Variants in RBFOX1 observed in about 807,000 individuals in gnomAD.
RBFOX1 encodes the protein RNA binding fox-1 homolog 1, also known as RNA binding protein fox-1 homolog 1.
RBFOX1 carries 8 observed loss-of-function variants against 57.7 expected under a neutral mutation model. That is an observed-to-expected ratio of 0.14 (90% CI 0.08 to 0.25). The LOEUF (loss-of-function observed/expected upper bound fraction) is 0.25, where lower values mean the gene tolerates loss of function less well. Ranked by LOEUF, RBFOX1 falls within the 10% of genes least tolerant of loss-of-function variation. RBFOX1 has a pLI of 1.00. For missense variants in RBFOX1, 611 were observed against 548.5 expected, an observed-to-expected ratio of 1.11 and a Z score of -1.14; for synonymous variants, 326 against 222.4, an observed-to-expected ratio of 1.47 and a Z score of -4.15.
At chr16:7,131,331 G>C (rs932943075) in intron 4 of RBFOX1, among the ~76,000 whole-genome samples, 2 of 135,484 alleles carry the variant, frequency 1.5e-5, no homozygotes, top group Non-Finnish European at 3.1e-5. Context: ...GGGCATTGCA[G>C]CGAGACTGTC....
At chr16:5,397,548 C>A (rs10153120) in intron 1 of RBFOX1, among the ~76,000 whole-genome samples, 35 of 152,254 alleles carry the variant, frequency 2.3e-4, no homozygotes, top group African/African-American at 7.5e-4. Context: ...CTGCTAAAGA[C>A]ACTGATTAAA....
intron 4 of RBFOX1, among the ~76,000 whole-genome samples, chr16:5,928,139 G>C (rs1338072519): frequency 2.6e-5 from 4 of 151,924 alleles, no homozygotes; most frequent in African/African-American, 9.7e-5. Flanking sequence ...TGTCACCCAG[G>C]CTGGAGAACA....
intron 3 of RBFOX1, among the ~76,000 whole-genome samples, chr16:5,847,107 G>T (rs773306270): frequency 6.6e-6 from 1 of 152,164 alleles, no homozygotes; most frequent in African/African-American, 2.4e-5. Context: ...CTGTGCAAGG[G>T]CCAGGCTGTT....
At chr16:7,542,350 G>A (rs1601393085) in intron 5 of RBFOX1, among the ~76,000 whole-genome samples, 1 of 152,104 alleles carries the variant, frequency 6.6e-6, no homozygotes, top group Non-Finnish European at 1.5e-5. Flanking sequence ...CGCCAGACCC[G>A]TAACTTCCTC....
chr16:7,300,778 CTT>C (rs1324020620), intron 4 of RBFOX1, among the ~76,000 whole-genome samples: 3 of 152,110 alleles, frequency 2.0e-5, no homozygotes, highest in African/African-American at 7.2e-5. Context: ...CAAATTAAAA[CTT>C]GGGTAGTTGC....
At chr16:5,846,653 C>T (rs146281959) in intron 3 of RBFOX1, among the ~76,000 whole-genome samples, 347 of 152,322 alleles carry the variant, frequency 2.3e-3, no homozygotes, top group African/African-American at 8.1e-3. Context: ...CTCCACCACA[C>T]TCAGCTGTCT....
intron 2 of RBFOX1, among the ~76,000 whole-genome samples, chr16:6,527,518 T>C (rs2096598028): frequency 6.6e-6 from 1 of 152,202 alleles, no homozygotes; most frequent in African/African-American, 2.4e-5. Context: ...TTTTTGGTTA[T>C]GTTTCTGTCT....
intron 3 of RBFOX1, among the ~76,000 whole-genome samples, chr16:6,947,459 T>C (rs936645249): frequency 1.3e-5 from 2 of 152,216 alleles, no homozygotes; most frequent in African/African-American, 4.8e-5. Context: ...TTCATCCGGC[T>C]GAGAACATAT....
intron 2 of RBFOX1, among the ~76,000 whole-genome samples, chr16:6,524,820 C>G (rs542654992): frequency 6.6e-6 from 1 of 152,276 alleles, no homozygotes; most frequent in African/African-American, 2.4e-5. Context: ...CCTCCATCAC[C>G]TGGCTCCTTC....
intron 5 of RBFOX1, among the ~76,000 whole-genome samples, chr16:7,551,939 A>T (rs1309507600): frequency 6.6e-6 from 1 of 152,196 alleles, no homozygotes; most frequent in Non-Finnish European, 1.5e-5. Flanking sequence ...GACAAACCCT[A>T]GGAGGAATAT....
chr16:6,380,923 C>T (rs1278145954), intron 2 of RBFOX1, among the ~76,000 whole-genome samples: 1 of 152,132 alleles, frequency 6.6e-6, no homozygotes, highest in Non-Finnish European at 1.5e-5. Context: ...ACCAAAGGTC[C>T]TCATATTTTT....
chr16:5,351,970 A>AT (rs1394923252), intron 1 of RBFOX1, among the ~76,000 whole-genome samples: 4 of 151,836 alleles, frequency 2.6e-5, no homozygotes, highest in Middle Eastern at 3.4e-3. Context: ...CGCTCGGCTA[A>AT]TTTTTTTGTA....
intron 4 of RBFOX1, among the ~76,000 whole-genome samples, chr16:7,081,144 C>G (rs2059133837): frequency 6.6e-6 from 1 of 152,174 alleles, no homozygotes; most frequent in South Asian, 2.1e-4. Context: ...AAGCGATTCT[C>G]CTGCCTCAGC....
intron 3 of RBFOX1, among the ~76,000 whole-genome samples, chr16:7,015,714 A>T (rs545920961): frequency 1.3e-5 from 2 of 152,148 alleles, no homozygotes; most frequent in Non-Finnish European, 1.5e-5. Context: ...TCACATTTCT[A>T]TTATGTTCCA....
At chr16:5,817,608 A>G (rs2055688905) in intron 3 of RBFOX1, among the ~76,000 whole-genome samples, 1 of 151,206 alleles carries the variant, frequency 6.6e-6, no homozygotes, top group East Asian at 2.0e-4. Context: ...GAGAGGGGAG[A>G]GAGAAAGGAG....
chr16:5,822,079 T>C (rs2055877218), intron 3 of RBFOX1, among the ~76,000 whole-genome samples: 1 of 152,242 alleles, frequency 6.6e-6, no homozygotes, highest in Non-Finnish European at 1.5e-5. Context: ...GTTGGTTCCA[T>C]GATTTTGCTG....
chr16:6,731,517 T>C (rs893302338), intron 3 of RBFOX1, among the ~76,000 whole-genome samples: 1 of 152,144 alleles, frequency 6.6e-6, no homozygotes, highest in East Asian at 1.9e-4. Context: ...CTTGAGAGTA[T>C]TTCTCAGGAT....
At chr16:7,360,182 T>A (rs747571609) in intron 4 of RBFOX1, among the ~76,000 whole-genome samples, 2 of 152,218 alleles carry the variant, frequency 1.3e-5, no homozygotes, top group Non-Finnish European at 2.9e-5. Flanking sequence ...GCATTCTGCA[T>A]GTCACATGCT....
intron 4 of RBFOX1, among the ~76,000 whole-genome samples, chr16:5,954,700 C>G (rs533482030): frequency 6.6e-6 from 1 of 152,066 alleles, no homozygotes; most frequent in South Asian, 2.1e-4. Context: ...AGCATCTGAT[C>G]GTGTGCGCCG....
Sources: allele counts gnomAD v4.1 joint callset (sites outside exome capture counted in the v4.1 genomes callset), GRCh38; gene constraint gnomAD v4.1.1; transcripts MANE v1.5; gene names NCBI Gene and HGNC (gene_info 2026-07-23, HGNC 2026-07-21).